The following CUX1 variants were observed in gnomAD, a reference collection of about 807,000 sequenced individuals.
The protein encoded by CUX1 is protein CASP.
A neutral mutation model predicts 158.8 loss-of-function variants in CUX1; 31 were observed. The observed-to-expected ratio is 0.20, with a 90% CI of 0.15 to 0.26. The LOEUF is 0.26. Among genes scored for constraint, CUX1 ranks in the 10% least tolerant of loss-of-function variants. The pLI is 1.00. For synonymous variants in CUX1, 879 were observed against 862.1 expected (o/e 1.02, Z -0.34); for missense variants, 1,589 against 2,014.6 (o/e 0.79, Z 4.04).
intron 1 of CUX1, among the ~76,000 whole-genome samples, chr7:101,880,029 G>A (rs1380250959): frequency 6.6e-6 from 1 of 152,148 alleles, no homozygotes; most frequent in East Asian, 1.9e-4. Context: ...TTGGATCGCA[G>A]CATATACCTT....
chr7:102,216,544 A>AC lies in CUX1; in HGVS notation c.3131-10822dup, dbSNP rs1244739889. Among the ~76,000 whole-genome samples the AC allele has an allele frequency of 6.7e-5, 4 of 59,742 alleles. No homozygotes were observed. The East Asian group carries it at 0.013, about 194-fold the overall frequency. The allele number at this position is 59,742 out of a possible 152,430, so 39.2% of individuals were successfully genotyped here. The stretch of plus-strand genomic sequence containing the variant: ...CACACACTCTCCCCCCCACACACAC[A>AC]CACCCACACACGCACACACACTCCC... On this transcript the variant is annotated intron_variant, in intron 20 of 23. Transcript: ENST00000292535.
chr7:102,211,778 T>TAA (rs66627422), intron 20 of CUX1, among the ~76,000 whole-genome samples: 7 of 77,458 alleles, frequency 9.0e-5, no homozygotes, highest in East Asian at 4.4e-4. Flanking sequence ...AAACTCCATC[T>TAA]AAAAAAAAAA....
intron 3 of CUX1, among the ~76,000 whole-genome samples, chr7:102,046,951 C>T (rs1344184936): frequency 3.3e-5 from 5 of 152,172 alleles, no homozygotes; most frequent in Non-Finnish European, 7.3e-5. Context: ...GTCGCCAAAG[C>T]GATCTTGTTG....
chr7:102,258,231 C>G lies in CUX1; in HGVS notation c.*9189C>G, dbSNP rs559235114. 1.0e-6 allele frequency: 1 copy of G among 966,680 alleles called. No homozygotes were observed. Among genetic ancestry groups the G allele is most frequent in the Non-Finnish European group, 1.2e-6 (1 of 812,890 alleles). 59.9% of individuals were successfully genotyped at this position (966,680 alleles called of 1,614,324 possible). A position where few individuals can be genotyped will look rare whatever the true frequency, so the allele number is the denominator to read the frequency against. On this transcript the variant is annotated 3_prime_UTR_variant, in exon 24 of 24. Coordinates refer to ENST00000292535, the MANE Select transcript of CUX1 (RefSeq NM_181552.4). The stretch of plus-strand genomic sequence containing the variant: ...GAAGTAAATATCTTTTATACAAACA[C>G]AAGAATGTGTGGGTTGTTTTTATTT...
At chr7:102,165,226 CTG>C (rs1790886279) in intron 9 of CUX1, among the ~76,000 whole-genome samples, 1 of 152,108 alleles carries the variant, frequency 6.6e-6, no homozygotes. Flanking sequence ...CCACCCCTCT[CTG>C]TGTCCTTCCC....
At chr7:101,934,387 T>G (rs368726759) in intron 2 of CUX1, among the ~76,000 whole-genome samples, 1 of 152,218 alleles carries the variant, frequency 6.6e-6, no homozygotes, top group East Asian at 1.9e-4. Context: ...TGGTTGTATC[T>G]CTCTGACAAC....
At chr7:102,002,738 G>A (rs931675667) in intron 2 of CUX1, among the ~76,000 whole-genome samples, 7 of 152,102 alleles carry the variant, frequency 4.6e-5, no homozygotes, top group African/African-American at 1.7e-4. Context: ...GGCAGTGAGT[G>A]CTCTCTGCAG....
chr7:101,872,037 A>G (rs1798621996), intron 1 of CUX1, among the ~76,000 whole-genome samples: 2 of 152,030 alleles, frequency 1.3e-5, no homozygotes. Flanking sequence ...AAAAAAAGAA[A>G]AGAAAGTTGT....
rs529799184 is a variant in CUX1 at position 101,869,702 on chromosome 7, G to T, written c.31-46413G>T. Among the ~76,000 whole-genome samples the T allele has an allele frequency of 3.9e-5, 6 of 152,158 alleles. No homozygotes were observed. Among genetic ancestry groups the T allele is most frequent in the Non-Finnish European group, 8.8e-5 (6 of 68,016 alleles). ...CACCATGGAAGACGGCAGGACACAC[G>T]TGCGAGCCACAGCAGGTGGGCGGGA... On this transcript the variant is annotated intron_variant, in intron 1 of 23. Transcript: ENST00000292535. This position sits in a 1 kb window ranked among gnomAD's most constrained non-coding sequence, Gnocchi z 4.5.
chr7:101,831,252 T>G (rs1027120779), intron 1 of CUX1, among the ~76,000 whole-genome samples: 2 of 151,958 alleles, frequency 1.3e-5, no homozygotes, highest in African/African-American at 4.8e-5. Context: ...AGGGATTGAG[T>G]GACCAGACAG....
intron 3 of CUX1, among the ~76,000 whole-genome samples, chr7:102,046,569 ATTTTTTTTTTT>A (rs55753644): frequency 1.3e-4 from 7 of 55,478 alleles, no homozygotes; most frequent in Admixed American, 9.2e-4. Context: ...TTTGGTTTGG[ATTTTTTTTTTT>A]TTTTTTTTTT....
intron 1 of CUX1, among the ~76,000 whole-genome samples, chr7:101,898,069 G>A (rs772329132): frequency 6.6e-6 from 1 of 152,112 alleles, no homozygotes; most frequent in Non-Finnish European, 1.5e-5. Context: ...AAGAGTCACC[G>A]CAGGGAGCGC....
At chr7:101,844,652 G>A (rs1477733457) in intron 1 of CUX1, among the ~76,000 whole-genome samples, 1 of 151,912 alleles carries the variant, frequency 6.6e-6, no homozygotes, top group Admixed American at 6.6e-5. Flanking sequence ...CTCTCTCTCT[G>A]TCGCCCAGGC....
intron 1 of CUX1, among the ~76,000 whole-genome samples, chr7:101,859,845 T>G (rs1441614488): frequency 1.3e-5 from 2 of 152,056 alleles, no homozygotes; most frequent in East Asian, 1.9e-4. Context: ...TTTCTTTGCT[T>G]CTTTCCTTCT....
chr7:101,939,986 C>G (rs768776079), intron 2 of CUX1, among the ~76,000 whole-genome samples: 1 of 151,546 alleles, frequency 6.6e-6, no homozygotes, highest in Non-Finnish European at 1.5e-5. Context: ...GAGCCTGAGG[C>G]AGAGAATTGC....
At chr7:102,247,192 T>C (rs1800898443) in intron 23 of CUX1, among the ~76,000 whole-genome samples, 1 of 149,190 alleles carries the variant, frequency 6.7e-6, no homozygotes, top group South Asian at 2.1e-4. Flanking sequence ...AGACACTGCC[T>C]CTAAGTAAAA....
chr7:102,215,069 G>A (rs782042717), intron 20 of CUX1, among the ~76,000 whole-genome samples: 3 of 152,060 alleles, frequency 2.0e-5, no homozygotes, highest in Non-Finnish European at 4.4e-5. Context: ...GAGGACACCC[G>A]GGCCCCAGAG....
chr7:101,910,539 T>C (rs1196766318), intron 1 of CUX1, among the ~76,000 whole-genome samples: 1 of 152,032 alleles, frequency 6.6e-6, no homozygotes, highest in Non-Finnish European at 1.5e-5. Flanking sequence ...GCAGATCGCT[T>C]GAGGCCAGGA....
chr7:102,060,608 A>AACACACACACACACACACACACACACAC (rs58786987), intron 3 of CUX1, among the ~76,000 whole-genome samples: 1 of 133,214 alleles, frequency 7.5e-6, no homozygotes, highest in African/African-American at 2.7e-5. Context: ...CACACAAATA[A>AACACACACACACACACACACACACACAC]ACACACACAC....
Sources: gnomAD v4.1 joint callset for allele counts (sites outside exome capture counted in the v4.1 genomes callset) on GRCh38, gnomAD v4.1.1 for gene constraint, Gnocchi (gnomAD v3.1) non-coding constraint, MANE v1.5 for transcripts, NCBI Gene and HGNC (gene_info 2026-07-23, HGNC 2026-07-21) for gene names.